The following SLC38A6 variants were observed in gnomAD, a reference collection of about 807,000 sequenced individuals.
SLC38A6 encodes the protein solute carrier family 38 member 6, also known as N system amino acid transporter NAT-1.
A neutral mutation model predicts 65.0 loss-of-function variants in SLC38A6; 73 were observed. That is an observed-to-expected ratio of 1.12 (90% CI 0.93 to 1.37). The LOEUF (loss-of-function observed/expected upper bound fraction) is 1.37. Ranked by LOEUF, SLC38A6 falls within the 40% of genes most tolerant of loss-of-function variation. The pLI, the probability that SLC38A6 is intolerant of heterozygous loss-of-function variation, is 0.00. For synonymous variants in SLC38A6, 183 were observed against 178.8 expected (o/e 1.02, Z -0.19); for missense variants, 561 against 531.1 (o/e 1.06, Z -0.55).
At chr14:60,997,340 T>A (rs1398010765) in intron 3 of SLC38A6, among the ~76,000 whole-genome samples, 1 of 152,072 alleles carries the variant, frequency 6.6e-6, no homozygotes. Flanking sequence ...TTTGTAGAGA[T>A]GGGGTTTCAC....
At chr14:61,019,122 T>A (rs926248186) in intron 4 of SLC38A6, among the ~76,000 whole-genome samples, 1 of 152,324 alleles carries the variant, frequency 6.6e-6, no homozygotes. Flanking sequence ...AGAAAACTTA[T>A]ATCATTTCCT....
At chr14:61,009,344 C>G (rs1294433357) in intron 3 of SLC38A6, among the ~76,000 whole-genome samples, 1 of 151,950 alleles carries the variant, frequency 6.6e-6, no homozygotes, top group African/African-American at 2.4e-5. Context: ...CATTGTTTAC[C>G]TTATATTGAT....
At chr14:61,022,452 C>G (rs1595114562) in intron 5 of SLC38A6, among the ~76,000 whole-genome samples, 3 of 149,104 alleles carry the variant, frequency 2.0e-5, no homozygotes, top group African/African-American at 7.4e-5. Flanking sequence ...TATACTGTGT[C>G]ATTATATTAA....
At chr14:61,041,857 G>A (rs184714288) in intron 8 of SLC38A6, among the ~76,000 whole-genome samples, 1 of 152,166 alleles carries the variant, frequency 6.6e-6, no homozygotes, top group Non-Finnish European at 1.5e-5. Flanking sequence ...CTGAGATTGT[G>A]TTACTGCACT....
chr14:61,052,925 C>T (rs182226942), downstream of SLC38A6: 13 of 152,934 alleles, frequency 8.5e-5, no homozygotes, highest in East Asian at 2.5e-3. Context: ...CATGTGAAAG[C>T]TTGTTACATA....
chr14:61,030,657 G>A (rs2040922948), intron 6 of SLC38A6, 134 bp downstream of exon 6: 1 of 602,596 alleles, frequency 1.7e-6, no homozygotes, highest in Non-Finnish European at 2.9e-6. Context: ...TACAAATTAG[G>A]CAGAAGTGAA....
chr14:60,991,194 TTCAA>T (rs1173669812), intron 3 of SLC38A6, among the ~76,000 whole-genome samples: 1 of 152,180 alleles, frequency 6.6e-6, no homozygotes, highest in Non-Finnish European at 1.5e-5. Flanking sequence ...TGCTTCCCAG[TTCAA>T]TCAAAGTAAA....
intron 3 of SLC38A6, among the ~76,000 whole-genome samples, chr14:61,012,679 T>C (rs1399550993): frequency 6.6e-6 from 1 of 151,966 alleles, no homozygotes; most frequent in Non-Finnish European, 1.5e-5. Context: ...TCAGTTGCCA[T>C]GTAGTTGAGC....
chr14:60,990,664 G>C (rs951439262), intron 3 of SLC38A6, among the ~76,000 whole-genome samples: 11 of 151,726 alleles, frequency 7.2e-5, no homozygotes, highest in African/African-American at 2.4e-4. Flanking sequence ...ATAGTGTCTT[G>C]CTGTGTGGCC....
chr14:61,035,287 C>T (rs923054339), intron 6 of SLC38A6, among the ~76,000 whole-genome samples: 1 of 152,134 alleles, frequency 6.6e-6, no homozygotes, highest in Non-Finnish European at 1.5e-5. Flanking sequence ...AACCTAGTCA[C>T]TGTCCTTTTA....
At chr14:60,996,191 C>T (rs1217170503) in intron 3 of SLC38A6, among the ~76,000 whole-genome samples, 1 of 151,876 alleles carries the variant, frequency 6.6e-6, no homozygotes, top group Non-Finnish European at 1.5e-5. Flanking sequence ...AAAACTGCTC[C>T]TAAAATTATT....
At chr14:61,000,410 A>G (rs2038624985) in intron 3 of SLC38A6, among the ~76,000 whole-genome samples, 1 of 152,244 alleles carries the variant, frequency 6.6e-6, no homozygotes, top group African/African-American at 2.4e-5. Context: ...CAGGTGGATC[A>G]CGAGGTCAGG....
At chr14:60,986,565 CAG>C (rs1200971705) in intron 3 of SLC38A6, among the ~76,000 whole-genome samples, 1 of 152,148 alleles carries the variant, frequency 6.6e-6, no homozygotes, top group Non-Finnish European at 1.5e-5. Context: ...TACTAGGAAG[CAG>C]TACAAATATT....
At chr14:61,032,994 T>C (rs1179468941) in intron 6 of SLC38A6, among the ~76,000 whole-genome samples, 1 of 151,972 alleles carries the variant, frequency 6.6e-6, no homozygotes, top group African/African-American at 2.4e-5. Context: ...AATATTCTAA[T>C]AGAAGTCAGA....
chr14:61,077,541 AT>A (rs776329846), intron 15 of SLC38A6, among the ~76,000 whole-genome samples: 112 of 152,356 alleles, frequency 7.4e-4, no homozygotes, highest in Admixed American at 2.0e-3. Context: ...TATATGATAT[AT>A]CAAAAGTCAG....
rs2043733942 is a variant in SLC38A6 at position 61,083,403 on chromosome 14, G to A, written c.1409-152G>A. 35 of 1,187,858 alleles carry A rather than the reference G, an allele frequency of 2.9e-5. No individual in the cohort carries two copies. The South Asian group carries it at 4.1e-4, about 14-fold the overall frequency. 73.6% of individuals were successfully genotyped at this position (1,187,858 alleles called of 1,614,324 possible). ...GCTATTAGCTGTTATGCACTCAATT[G>A]TGTTCCAACCCCAAATTCGTAGGTT... is the stretch of plus-strand genomic sequence containing the variant. On this transcript the variant is annotated intron_variant, in intron 16 of 16. Coordinates refer to the SLC38A6 transcript ENST00000354886.
chr14:61,044,270 G>C (rs188844036), intron 10 of SLC38A6, among the ~76,000 whole-genome samples: 461 of 152,220 alleles, frequency 3.0e-3, no homozygotes, highest in Non-Finnish European at 4.1e-3. Context: ...TGTTAGCTTG[G>C]TTACTCCACC....
At chr14:60,999,620 G>C (rs2038559740) in intron 3 of SLC38A6, among the ~76,000 whole-genome samples, 1 of 152,184 alleles carries the variant, frequency 6.6e-6, no homozygotes, top group African/African-American at 2.4e-5. Context: ...TGGCAAAAAA[G>C]AACTTTGCAG....
chr14:61,019,481 A>G, intron 4 of SLC38A6, 60 bp from the exon 5 acceptor site: 1 of 1,565,984 alleles, frequency 6.4e-7, no homozygotes, highest in Non-Finnish European at 8.8e-7. Flanking sequence ...TTTTAATAAA[A>G]TACTGATCCT....
Sources: gnomAD v4.1 joint callset for allele counts (sites outside exome capture counted in the v4.1 genomes callset) on GRCh38, gnomAD v4.1.1 for gene constraint, MANE v1.5 for transcripts, NCBI Gene and HGNC (gene_info 2026-07-23, HGNC 2026-07-21) for gene names.